PTPRT: variants seen among roughly 807,000 people sequenced by gnomAD.
The protein encoded by PTPRT is receptor-type tyrosine-protein phosphatase T.
PTPRT carries 56 observed loss-of-function variants against 176.8 expected under a neutral mutation model. That is an observed-to-expected ratio of 0.32 (90% CI 0.26 to 0.40). The LOEUF (loss-of-function observed/expected upper bound fraction) is 0.40, where lower values mean the gene tolerates loss of function less well. Among genes scored for constraint, PTPRT ranks in the 10% least tolerant of loss-of-function variants. PTPRT has a pLI of 1.00. For missense variants in PTPRT, 1,540 were observed against 1,908.2 expected (o/e 0.81, Z 3.60); for synonymous variants, 783 against 739.0 (o/e 1.06, Z -0.96).
chr20:42,155,523 C>G (rs1989313184), intron 17 of PTPRT, among the ~76,000 whole-genome samples: 1 of 152,162 alleles, frequency 6.6e-6, no homozygotes, highest in Non-Finnish European at 1.5e-5. Flanking sequence ...CCCTTTGCTC[C>G]CACTGCATAA....
At chr20:42,691,762 T>C (rs977929108) in intron 6 of PTPRT, among the ~76,000 whole-genome samples, 3 of 152,202 alleles carry the variant, frequency 2.0e-5, no homozygotes, top group African/African-American at 4.8e-5. Context: ...CATAGACCTC[T>C]GTCCCTGTCT....
At chr20:42,793,242 C>T (rs192489762) in intron 2 of PTPRT, among the ~76,000 whole-genome samples, 1 of 152,238 alleles carries the variant, frequency 6.6e-6, no homozygotes, top group Admixed American at 6.5e-5. Flanking sequence ...GGATATGTTG[C>T]ATAGTGGCAG....
intron 6 of PTPRT, among the ~76,000 whole-genome samples, chr20:42,694,182 G>C (rs1229054786): frequency 6.6e-6 from 1 of 151,890 alleles, no homozygotes; most frequent in Non-Finnish European, 1.5e-5. Flanking sequence ...GGGACTACAG[G>C]CACCCGCCAC....
chr20:42,800,864 G>A (rs904034255), intron 2 of PTPRT, among the ~76,000 whole-genome samples: 3 of 152,116 alleles, frequency 2.0e-5, no homozygotes, highest in Non-Finnish European at 4.4e-5. Flanking sequence ...AAATGCCAGG[G>A]CTGGGAGAGA....
chr20:42,586,828 C>T (rs1191863953), intron 7 of PTPRT, among the ~76,000 whole-genome samples: 1 of 152,164 alleles, frequency 6.6e-6, no homozygotes, highest in East Asian at 1.9e-4. Context: ...TAACCCGAGA[C>T]AGGGTGACCT....
chr20:42,773,364 G>A (rs111881798), intron 4 of PTPRT, among the ~76,000 whole-genome samples: 5,060 of 152,206 alleles, frequency 0.033, 99 homozygotes, highest in South Asian at 0.09. Context: ...TTCATTGATC[G>A]CTTATGATGA....
intron 16 of PTPRT, among the ~76,000 whole-genome samples, chr20:42,181,836 A>G (rs1990538284): frequency 6.6e-6 from 1 of 152,192 alleles, no homozygotes; most frequent in South Asian, 2.1e-4. Context: ...TTATTAAATG[A>G]ATAAACATTT....
intron 1 of PTPRT, among the ~76,000 whole-genome samples, chr20:43,064,491 A>G (rs950415097): frequency 1.1e-4 from 16 of 152,232 alleles, no homozygotes; most frequent in Non-Finnish European, 1.9e-4. Context: ...ACTCCATTAA[A>G]TGATTTCAAA....
intron 7 of PTPRT, among the ~76,000 whole-genome samples, chr20:42,593,654 A>G (rs1375942432): frequency 6.6e-6 from 1 of 152,186 alleles, no homozygotes; most frequent in Non-Finnish European, 1.5e-5. Flanking sequence ...AAGATTAATA[A>G]TGACAATAGA....
intron 1 of PTPRT, among the ~76,000 whole-genome samples, chr20:42,960,829 C>T (rs1003417042): frequency 2.0e-5 from 3 of 152,264 alleles, no homozygotes; most frequent in South Asian, 2.1e-4. Context: ...ATTCATTTCC[C>T]TATGTTGGGA....
At chr20:42,749,215 T>A (rs1042572007) in intron 6 of PTPRT, among the ~76,000 whole-genome samples, 5 of 152,090 alleles carry the variant, frequency 3.3e-5, no homozygotes, top group African/African-American at 1.2e-4. Flanking sequence ...TACTACAGGA[T>A]GAAGCCCAGG....
intron 1 of PTPRT, among the ~76,000 whole-genome samples, chr20:43,006,942 T>A (rs879271248): frequency 6.6e-6 from 1 of 152,152 alleles, no homozygotes; most frequent in Admixed American, 6.5e-5. Flanking sequence ...GTGTAAAACT[T>A]CTAAGAGGTC....
At chr20:42,437,569 A>G (rs953522675) in intron 9 of PTPRT, among the ~76,000 whole-genome samples, 2 of 152,222 alleles carry the variant, frequency 1.3e-5, no homozygotes, top group African/African-American at 2.4e-5. Flanking sequence ...GTATGTATGT[A>G]CGTATGTATG....
intron 6 of PTPRT, among the ~76,000 whole-genome samples, chr20:42,750,408 T>C (rs920475883): frequency 5.9e-5 from 9 of 152,158 alleles, no homozygotes; most frequent in African/African-American, 2.2e-4. Context: ...TATATTCACC[T>C]CCATTATTCA....
At chr20:42,423,178 TA>T (rs34775268) in intron 9 of PTPRT, among the ~76,000 whole-genome samples, 12,166 of 88,050 alleles carry the variant, frequency 0.14, 601 homozygotes, top group African/African-American at 0.2. Flanking sequence ...ACCTTAAAAG[TA>T]AAAAAAAAAA....
At chr20:42,585,410 A>C (rs1428377633) in intron 7 of PTPRT, among the ~76,000 whole-genome samples, 1 of 152,150 alleles carries the variant, frequency 6.6e-6, no homozygotes, top group African/African-American at 2.4e-5. Flanking sequence ...ATCTAGGTTG[A>C]ATTTTTAATG....
At chr20:42,803,670 A>G (rs2077563434) in intron 2 of PTPRT, among the ~76,000 whole-genome samples, 1 of 152,092 alleles carries the variant, frequency 6.6e-6, no homozygotes, top group Non-Finnish European at 1.5e-5. Flanking sequence ...TCTCCTGCCT[A>G]AGCCTCCCAA....
chr20:42,111,582 T>TAATA (rs1986999172), intron 22 of PTPRT, among the ~76,000 whole-genome samples: 1 of 142,852 alleles, frequency 7.0e-6, no homozygotes, highest in South Asian at 2.1e-4. Context: ...ATAGTGAAAA[T>TAATA]AATAACTAAC....
intron 9 of PTPRT, among the ~76,000 whole-genome samples, chr20:42,432,250 T>A (rs1350935423): frequency 6.6e-6 from 1 of 152,220 alleles, no homozygotes; most frequent in African/African-American, 2.4e-5. Flanking sequence ...TAGCCCTTCC[T>A]GGGAGGCTGC....
Sources: allele counts gnomAD v4.1 joint callset (sites outside exome capture counted in the v4.1 genomes callset), GRCh38; gene constraint gnomAD v4.1.1; transcripts MANE v1.5; gene names NCBI Gene and HGNC (gene_info 2026-07-23, HGNC 2026-07-21).